Variants in NYAP2 observed in about 807,000 individuals in gnomAD.
NYAP2 encodes neuronal tyrosine-phosphorylated phosphoinositide-3-kinase adapter 2.
NYAP2 carries 23 observed loss-of-function variants against 50.4 expected under a neutral mutation model. The observed-to-expected ratio is 0.46, with a 90% confidence interval of 0.33 to 0.65. The LOEUF (loss-of-function observed/expected upper bound fraction) is 0.65. Ranked by LOEUF, NYAP2 falls within the 30% of genes least tolerant of loss-of-function variation. The pLI is 0.02. For synonymous variants in NYAP2, 394 were observed against 365.2 expected (o/e 1.08, Z -0.90); for missense variants, 885 against 861.0 (o/e 1.03, Z -0.35).
chr2:225,417,168 G>A (rs578125454), intron 3 of NYAP2, among the ~76,000 whole-genome samples: 17 of 152,058 alleles, frequency 1.1e-4, no homozygotes, highest in Non-Finnish European at 1.9e-4. Context: ...TATGAGTCAG[G>A]GGACTTTTTG....
At chr2:225,489,187 C>A (rs969095155) in intron 3 of NYAP2, among the ~76,000 whole-genome samples, 2 of 151,464 alleles carry the variant, frequency 1.3e-5, no homozygotes, top group African/African-American at 4.9e-5. Flanking sequence ...TTCTTTCTTT[C>A]TTTCTTTTAT....
intron 3 of NYAP2, among the ~76,000 whole-genome samples, chr2:225,443,703 C>T (rs1209144175): frequency 2.0e-5 from 3 of 152,214 alleles, no homozygotes; most frequent in African/African-American, 2.4e-5. Context: ...GTATTAACCA[C>T]TAAACCAATT....
Position 225,518,556 on chromosome 2 carries a change from ATATATATAT to A in NYAP2, c.523+4885_523+4893del, listed in dbSNP as rs1559202509. 8.4e-3 allele frequency among the ~76,000 whole-genome samples: 688 copies of A among 82,382 alleles called. 74 individuals carry two copies. Among genetic ancestry groups the A allele is most frequent in the African/African-American group, 0.033 (646 of 19,362 alleles). 54.0% of individuals were successfully genotyped at this position (82,382 alleles called of 152,430 possible). ...TATATATATATATATATATATATAT[ATATATATAT>A]ATATTAGCGTGTGCGCTTATATATA... is the stretch of plus-strand genomic sequence containing the variant. On this transcript the variant is annotated intron_variant, in intron 4 of 6. Transcript: ENST00000636099.
intron 6 of NYAP2, among the ~76,000 whole-genome samples, chr2:225,634,494 G>C (rs1027274094): frequency 2.6e-5 from 4 of 152,118 alleles, no homozygotes; most frequent in African/African-American, 9.6e-5. Flanking sequence ...TATCCAAGAG[G>C]AGTCTTGTAC....
chr2:225,693,006 C>T, the NYAP2 span, among the ~76,000 whole-genome samples: 1 of 151,884 alleles, frequency 6.6e-6, no homozygotes, highest in African/African-American at 2.4e-5. Context: ...TATTCCACAC[C>T]CATTGTTTCT....
chr2:225,624,408 C>T (rs1452767841), intron 5 of NYAP2, among the ~76,000 whole-genome samples: 1 of 152,168 alleles, frequency 6.6e-6, no homozygotes, highest in Non-Finnish European at 1.5e-5. Context: ...TCAGTTGTTC[C>T]TAAGTTGGAA....
rs1301069406 is a variant in NYAP2 at position 225,433,871 on chromosome 2, AAAACATCAGGTGTT to A, written c.221+24771_221+24784del. On this transcript the variant is annotated intron_variant, in intron 3 of 6. Transcript: ENST00000636099. ...ATTAGAGTCAAGCAGTTGAAGTGAT[AAAACATCAGGTGTT>A]TCATTAAGCTGTATTTTGCAAATAT... Among the ~76,000 whole-genome samples, 3 of 151,876 alleles carry A rather than the reference AAAACATCAGGTGTT, an allele frequency of 2.0e-5. No homozygotes were observed. The East Asian group carries it at 5.8e-4, about 29-fold the overall frequency.
At chr2:225,428,019 T>G (rs1019088527) in intron 3 of NYAP2, among the ~76,000 whole-genome samples, 13 of 152,178 alleles carry the variant, frequency 8.5e-5, no homozygotes, top group African/African-American at 3.1e-4. Flanking sequence ...CTCATTATTG[T>G]GCAGATCAAG....
At chr2:225,610,145 G>C (rs189495022) in intron 5 of NYAP2, among the ~76,000 whole-genome samples, 1 of 152,102 alleles carries the variant, frequency 6.6e-6, no homozygotes, top group South Asian at 2.1e-4. Flanking sequence ...TTTCATGTAC[G>C]GTTGGTATGT....
intron 3 of NYAP2, among the ~76,000 whole-genome samples, chr2:225,444,018 G>T (rs915751455): frequency 1.3e-5 from 2 of 152,180 alleles, no homozygotes; most frequent in Non-Finnish European, 2.9e-5. Flanking sequence ...AGATTCAAAT[G>T]ATCTCAATGG....
chr2:225,543,147 C>G (rs972051379), intron 4 of NYAP2, among the ~76,000 whole-genome samples: 1 of 151,818 alleles, frequency 6.6e-6, no homozygotes, highest in Non-Finnish European at 1.5e-5. Flanking sequence ...TTTGGGTCAT[C>G]TCTTTTTCTT....
chr2:225,623,155 T>C (rs780887716), intron 5 of NYAP2, among the ~76,000 whole-genome samples: 18 of 152,284 alleles, frequency 1.2e-4, no homozygotes, highest in Non-Finnish European at 2.5e-4. Context: ...TATAGCAATA[T>C]GGAAATAAAT....
intron 5 of NYAP2, among the ~76,000 whole-genome samples, chr2:225,603,021 T>C (rs928414532): frequency 1.3e-5 from 2 of 152,192 alleles, no homozygotes; most frequent in African/African-American, 4.8e-5. Context: ...GGGATTACAA[T>C]GACTAGATAC....
At chr2:225,433,544 A>G (rs1035449506) in intron 3 of NYAP2, among the ~76,000 whole-genome samples, 2 of 152,180 alleles carry the variant, frequency 1.3e-5, no homozygotes, top group Non-Finnish European at 2.9e-5. Flanking sequence ...ATAGCAAAAT[A>G]TGATATTAAG....
At chr2:225,690,314 T>C in the NYAP2 span, among the ~76,000 whole-genome samples, 1 of 152,062 alleles carries the variant, frequency 6.6e-6, no homozygotes, top group African/African-American at 2.4e-5. Context: ...GACTTGTGAT[T>C]TGATAACTAA....
intron 6 of NYAP2, among the ~76,000 whole-genome samples, chr2:225,632,072 C>T (rs780388404): frequency 2.6e-5 from 4 of 152,152 alleles, no homozygotes; most frequent in Non-Finnish European, 4.4e-5. Context: ...CCTGCCTAAG[C>T]GGCCTCCTGA....
intron 3 of NYAP2, among the ~76,000 whole-genome samples, chr2:225,427,712 T>G (rs772807681): frequency 6.6e-6 from 1 of 152,242 alleles, no homozygotes; most frequent in Non-Finnish European, 1.5e-5. Context: ...AATTCTATTC[T>G]GAGTTTAATG....
intron 4 of NYAP2, among the ~76,000 whole-genome samples, chr2:225,531,575 T>C (rs1434338544): frequency 6.6e-6 from 1 of 152,202 alleles, no homozygotes; most frequent in Non-Finnish European, 1.5e-5. Context: ...TAATGATGAA[T>C]GGGAACATTT....
rs181124400 is a variant in NYAP2 at position 225,586,127 on chromosome 2, T to C, written c.1618+3092T>C. Among the ~76,000 whole-genome samples the C allele has an allele frequency of 1.1e-3, 164 of 152,326 alleles. 1 individual carries two copies. The highest frequency in any genetic ancestry group is 2.2e-3 in the Non-Finnish European group (152 of 68,016). On this transcript the variant is annotated intron_variant, in intron 5 of 6. Transcript: ENST00000636099. ...TACTAATATTTAATCTCAACAAATA[T>C]AGTCTTTGTTTTAATTAAGGAAAAC...
Sources: allele counts gnomAD v4.1 joint callset (sites outside exome capture counted in the v4.1 genomes callset), GRCh38; gene constraint gnomAD v4.1.1; transcripts MANE v1.5; gene names NCBI Gene and HGNC (gene_info 2026-07-23, HGNC 2026-07-21).